Variants in ULK4 observed in about 807,000 individuals in gnomAD.
The protein encoded by ULK4 is inactive serine/threonine-protein kinase ULK4.
Under a neutral mutation model 160.6 loss-of-function variants are expected in ULK4, and 133 were observed. That is an observed-to-expected ratio of 0.83 (90% CI 0.72 to 0.96). The LOEUF (loss-of-function observed/expected upper bound fraction) is 0.96, where lower values mean the gene tolerates loss of function less well. ULK4 is among the 40% of genes least tolerant of loss of function. The pLI, the probability that ULK4 is intolerant of heterozygous loss-of-function variation, is 0.00. For missense variants in ULK4, 1,580 were observed against 1,499.5 expected (o/e 1.05, Z -0.89); for synonymous variants, 534 against 539.8 (o/e 0.99, Z 0.15).
At chr3:41,787,718 T>C (rs920991925) in intron 21 of ULK4, among the ~76,000 whole-genome samples, 1 of 152,242 alleles carries the variant, frequency 6.6e-6, no homozygotes, top group African/African-American at 2.4e-5. Flanking sequence ...TTATAAGTTC[T>C]ATGTTATGTG....
chr3:41,883,943 C>T lies in ULK4; in HGVS notation c.1587G>A (p.Lys529=). Reference sequence around the variant, plus strand: ...CCAGTAAACCAATTACGTGAGCAACCTTGGCCCGTCTGTAAATGGAGAGAA... The same window carrying T: ...CCAGTAAACCAATTACGTGAGCAACTTTGGCCCGTCTGTAAATGGAGAGAA... ...RIAPNWDIRA[K]VAHVIGLLAS... The change falls in exon 17 of 37, where the codon AAG becomes AAA. Residue 529 remains lysine (K), a synonymous_variant. Transcript: ENST00000301831. 4 of 1,609,174 alleles carry T rather than the reference C, an allele frequency of 2.5e-6. No individual in the cohort carries two copies. The highest frequency in any genetic ancestry group is 3.4e-6 in the Non-Finnish European group (4 of 1,175,368).
At position 41,692,760 on chromosome 3, in the gene ULK4, C is replaced by T. The variant is rs58524691; in HGVS notation, c.2782-10956G>A. Among the ~76,000 whole-genome samples the T allele has an allele frequency of 4.9e-3, 748 of 152,228 alleles. 4 individuals carry two copies. Among genetic ancestry groups the T allele is most frequent in the African/African-American group, 0.017 (716 of 41,542 alleles). On this transcript the variant is annotated intron_variant, in intron 27 of 36. Transcript: ENST00000301831. ...GTGCTAAAGTTCATTTGACAATGTGCTCTGAAAGCAGAGACCTACTGAACT... is the reference window on the plus strand; with the variant it reads ...GTGCTAAAGTTCATTTGACAATGTGTTCTGAAAGCAGAGACCTACTGAACT...
At chr3:41,668,794 A>G (rs1317321295) in intron 29 of ULK4, among the ~76,000 whole-genome samples, 1 of 152,214 alleles carries the variant, frequency 6.6e-6, no homozygotes, top group African/African-American at 2.4e-5. Context: ...TTTTGACTTT[A>G]TTAGAATACC....
chr3:41,567,040 T>C (rs1160554488), intron 31 of ULK4, among the ~76,000 whole-genome samples: 1 of 152,180 alleles, frequency 6.6e-6, no homozygotes, highest in African/African-American at 2.4e-5. Flanking sequence ...CCATTCACCA[T>C]GACTATTCTG....
At chr3:41,843,195 A>G (rs567642686) in intron 17 of ULK4, among the ~76,000 whole-genome samples, 4 of 152,368 alleles carry the variant, frequency 2.6e-5, no homozygotes, top group Non-Finnish European at 2.9e-5. Context: ...ATAAGCACAT[A>G]AAAAGATGTT....
At chr3:41,721,599 CTCGTGA>C (rs1025275077) in intron 22 of ULK4, among the ~76,000 whole-genome samples, 1 of 151,550 alleles carries the variant, frequency 6.6e-6, no homozygotes, top group Non-Finnish European at 1.5e-5. Context: ...AACTTCTGAC[CTCGTGA>C]TCCACCCGCC....
rs1400410666 is a variant in ULK4, at chr3:41,715,539, A to G, written c.2485T>C (p.Ser829Pro). ...GDILNSLANV[S>P]GRKHPSTVQV... ...ACTGTTGATGGGTGTTTACGTCCAG[A>G]AACATTAGCCAAGGAGTTAAGAATG... Residue 829 changes from serine to proline, a missense_variant, in exon 24 of 37, where the codon TCT becomes CCT. By Grantham distance (74) the Ser-to-Pro change is moderately conservative (BLOSUM62 -1). Transcript: ENST00000301831. 1 of 1,614,160 alleles carries G rather than the reference A, an allele frequency of 6.2e-7. No homozygotes were observed. The highest frequency in any genetic ancestry group is 8.5e-7 in the Non-Finnish European group (1 of 1,180,014).
chr3:41,807,164 A>G (rs1299918814), intron 19 of ULK4, among the ~76,000 whole-genome samples: 1 of 152,144 alleles, frequency 6.6e-6, no homozygotes, highest in East Asian at 1.9e-4. Flanking sequence ...CATACATTAA[A>G]TATCTGAACA....
chr3:41,344,100 A>T (rs560640377), intron 35 of ULK4, among the ~76,000 whole-genome samples: 1 of 152,364 alleles, frequency 6.6e-6, no homozygotes, highest in South Asian at 2.1e-4. Context: ...GCAGTAACAA[A>T]AACAGCATGG....
At chr3:41,424,593 G>A (rs996637183) in intron 34 of ULK4, among the ~76,000 whole-genome samples, 1 of 152,156 alleles carries the variant, frequency 6.6e-6, no homozygotes, top group Non-Finnish European at 1.5e-5. Context: ...CTTTTCTGGA[G>A]CCTCCACTGG....
At chr3:41,794,883 C>A (rs376623427) in intron 20 of ULK4, among the ~76,000 whole-genome samples, 17 of 151,710 alleles carry the variant, frequency 1.1e-4, no homozygotes, top group Non-Finnish European at 2.2e-4. Context: ...GAGGAAAGGT[C>A]CTGAGGCAGA....
chr3:41,572,564 T>C (rs1015729593), intron 31 of ULK4, among the ~76,000 whole-genome samples: 1 of 150,272 alleles, frequency 6.7e-6, no homozygotes, highest in Non-Finnish European at 1.5e-5. Context: ...ATTGAGACCA[T>C]CCTGGCTAAC....
intron 1 of ULK4, among the ~76,000 whole-genome samples, chr3:41,961,474 C>T (rs1157173976): frequency 3.3e-5 from 5 of 151,160 alleles, no homozygotes; most frequent in Non-Finnish European, 5.9e-5. Context: ...CCACACTAAG[C>T]ACTCCATAGG....
At chr3:41,775,689 G>A (rs1055997319) in intron 21 of ULK4, among the ~76,000 whole-genome samples, 10 of 150,570 alleles carry the variant, frequency 6.6e-5, no homozygotes, top group African/African-American at 1.0e-4. Context: ...ATGAGCCACC[G>A]CGCCCAGCCG....
At chr3:41,335,305 G>A (rs2080531702) in intron 35 of ULK4, among the ~76,000 whole-genome samples, 1 of 152,180 alleles carries the variant, frequency 6.6e-6, no homozygotes, top group South Asian at 2.1e-4. Context: ...TCCTTGTAAA[G>A]AATCACATTT....
chr3:41,718,608 G>A (rs2037349312), intron 22 of ULK4, among the ~76,000 whole-genome samples: 1 of 152,018 alleles, frequency 6.6e-6, no homozygotes, highest in Non-Finnish European at 1.5e-5. Context: ...CTCCCTACAG[G>A]GCAACAAGTC....
chr3:41,605,433 C>CA (rs987781675), intron 31 of ULK4, among the ~76,000 whole-genome samples: 2 of 151,324 alleles, frequency 1.3e-5, no homozygotes, highest in African/African-American at 2.4e-5. Context: ...TCACACTAAC[C>CA]AAAAAAAGCT....
rs766644696 is a variant in ULK4, at chr3:41,931,972, C to T, written c.413G>A (p.Ser138Asn). The T allele has an allele frequency of 1.9e-6, 3 of 1,613,896 alleles. No individual in the cohort carries two copies. The highest frequency in any genetic ancestry group is 2.5e-6 in the Non-Finnish European group (3 of 1,179,934). ...LLEGPGTLKF[S>N]NFCLAKVEGE... The stretch of plus-strand genomic sequence containing the variant: ...TTCCACTTTTGCCAAGCAAAAGTTG[C>T]TAAACTTCAGTGTGCCAGGCCCTTC... The change falls in exon 5 of 37, where the codon AGC (serine) becomes AAC (asparagine). Residue 138 changes from serine to asparagine, a missense_variant. Physicochemically the swap from Ser to Asn is conservative, Grantham distance 46. Transcript: ENST00000301831.
chr3:41,684,386 G>C (rs1360790883), intron 27 of ULK4, among the ~76,000 whole-genome samples: 2 of 152,188 alleles, frequency 1.3e-5, no homozygotes, highest in African/African-American at 4.8e-5. Context: ...CGTTGCTGCA[G>C]GTCCTTGAAA....
Sources: allele counts gnomAD v4.1 joint callset (sites outside exome capture counted in the v4.1 genomes callset), GRCh38; gene constraint gnomAD v4.1.1; transcripts MANE v1.5; gene names NCBI Gene and HGNC (gene_info 2026-07-23, HGNC 2026-07-21).